CNOT1: variants seen among roughly 807,000 people sequenced by gnomAD.
CNOT1 encodes the protein CCR4-associated factor 1.
A neutral mutation model predicts 273.8 loss-of-function variants in CNOT1; 15 were observed. The ratio of observed to expected loss-of-function variants is 0.05; its 90% CI spans 0.04 to 0.08. The LOEUF (loss-of-function observed/expected upper bound fraction) is 0.08. CNOT1 is among the 10% of genes least tolerant of loss of function. CNOT1 has a pLI of 1.00. For missense variants in CNOT1, 1,644 were observed against 2,912.2 expected, an observed-to-expected ratio of 0.56 and a Z score of 10.02; for synonymous variants, 1,022 against 1,005.5, an observed-to-expected ratio of 1.02 and a Z score of -0.31.
intron 1 of CNOT1, among the ~76,000 whole-genome samples, chr16:58,602,609 T>C (rs1477986217): frequency 1.4e-5 from 2 of 140,732 alleles, no homozygotes; most frequent in African/African-American, 5.4e-5. Flanking sequence ...TGTAAATCTG[T>C]AATCCCAGCT....
At position 58,546,763 on chromosome 16, in the gene CNOT1, A is replaced by G; in HGVS notation, c.3751-14T>C. On this transcript the variant is annotated splice_polypyrimidine_tract_variant and intron_variant, in intron 27 of 48. Transcript: ENST00000317147. ...TGGCCTAAAAACCTAAAGAAAAGCTATTATGTTAAGCTGGCCCAAAATGTG... is the reference window on the plus strand; with the variant it reads ...TGGCCTAAAAACCTAAAGAAAAGCTGTTATGTTAAGCTGGCCCAAAATGTG... The G allele has an allele frequency of 6.2e-7, 1 of 1,613,808 alleles. No homozygotes were observed. Among genetic ancestry groups the G allele is most frequent in the Non-Finnish European group, 8.5e-7 (1 of 1,179,834 alleles).
Position 58,556,831 on chromosome 16 carries a change from C to T in CNOT1, c.2479+16G>A. ...ATCAGTCACACTTCACAATCACAGA[C>T]AACACTACCACTTACAAGGTTTCAT... On this transcript the variant is annotated intron_variant, in intron 19 of 48. Coordinates refer to ENST00000317147, the MANE Select transcript of CNOT1 (RefSeq NM_016284.5). 3.1e-6 allele frequency: 5 copies of T among 1,610,830 alleles called. No homozygotes were observed. The highest frequency in any genetic ancestry group is 4.2e-6 in the Non-Finnish European group (5 of 1,178,680).
At chr16:58,529,763 C>T (rs2039712573) in intron 43 of CNOT1, among the ~76,000 whole-genome samples, 2 of 145,232 alleles carry the variant, frequency 1.4e-5, no homozygotes. Flanking sequence ...ATCACTTGAA[C>T]CTGGGAGGTG....
intron 6 of CNOT1, 40 bp downstream of exon 6, chr16:58,587,161 A>G (rs1203260871): frequency 3.1e-6 from 5 of 1,597,998 alleles, no homozygotes; most frequent in South Asian, 1.1e-5. Context: ...CACGTATTTT[A>G]AAGTCTCACT....
At chr16:58,521,428 G>A in intron 47 of CNOT1, 111 bp from the exon 48 acceptor site, 3 of 1,100,474 alleles carry the variant, frequency 2.7e-6, no homozygotes, top group Non-Finnish European at 3.9e-6. Flanking sequence ...ACATGCAAAA[G>A]TTTTCACCTT....
At chr16:58,626,950 AG>A (rs1336375874) in intron 1 of CNOT1, among the ~76,000 whole-genome samples, 1 of 152,112 alleles carries the variant, frequency 6.6e-6, no homozygotes, top group Admixed American at 6.6e-5. Context: ...GCTAGGATAC[AG>A]GCTTGAGCCA....
chr16:58,535,267 G>A (rs929464226), intron 39 of CNOT1, among the ~76,000 whole-genome samples: 1 of 152,172 alleles, frequency 6.6e-6, no homozygotes, highest in Non-Finnish European at 1.5e-5. Context: ...AACTGAACTG[G>A]TTGGACTACG....
chr16:58,606,334 C>G (rs1054323559), intron 1 of CNOT1, among the ~76,000 whole-genome samples: 5 of 152,004 alleles, frequency 3.3e-5, no homozygotes, highest in African/African-American at 1.2e-4. Context: ...GTAAAAAGAT[C>G]GCCTGAGCCC....
At position 58,579,366 on chromosome 16, in the gene CNOT1, TAA is replaced by T; in HGVS notation, c.1344-429_1344-428del. 3.9e-5 allele frequency among the ~76,000 whole-genome samples: 6 copies of T among 152,314 alleles called. 1 individual carries two copies. Among genetic ancestry groups the T allele is most frequent in the Admixed American group, 3.9e-4 (6 of 15,296 alleles). ...CTGGATTCTCAATCATAGAAATTTT[TAA>T]AAGACATTTTTGAGCCAATTGGGGA... On this transcript the variant is annotated intron_variant, in intron 12 of 48. Transcript: ENST00000317147.
At chr16:58,584,573 C>A (rs2151978893) in intron 8 of CNOT1, among the ~76,000 whole-genome samples, 1 of 152,200 alleles carries the variant, frequency 6.6e-6, no homozygotes, top group South Asian at 2.1e-4. Context: ...ATCAGGTGAT[C>A]CGCCCACCTC....
rs770339505 is a variant in CNOT1, at chr16:58,556,992, T to C, written c.2334A>G (p.Val778=). Residue 778 remains valine, a splice_region_variant and synonymous_variant, in exon 19 of 49, where the codon GTA becomes GTG. Coordinates refer to ENST00000317147, the MANE Select transcript of CNOT1 (RefSeq NM_016284.5). ...TCAGGCTGCCTGTGCCAAGACCACC[T>C]ACTAGAGAGAACGAAGGCAGCCACA... ...GIGGLSSQLP[V]GGLGTGSLTG... is the part of the protein sequence containing the mutation. 1 of 1,613,218 alleles carries C rather than the reference T, an allele frequency of 6.2e-7. No homozygotes were observed. Among genetic ancestry groups the C allele is most frequent in the African/African-American group, 1.3e-5 (1 of 75,048 alleles).
chr16:58,551,802 C>T lies in CNOT1; in HGVS notation c.2988G>A (p.Gln996=). 4 of 1,614,144 alleles carry T rather than the reference C, an allele frequency of 2.5e-6. No homozygotes were observed. Among genetic ancestry groups the T allele is most frequent in the Non-Finnish European group, 3.4e-6 (4 of 1,180,028 alleles). Residue 996 remains glutamine, a synonymous_variant, in exon 23 of 49, where the codon CAG becomes CAA. Transcript: ENST00000317147. ...TTTTCACAGGAGGATCTCTAGACTG[C>T]TGTCCATACTCAATATACTAAAAGG... ...HHLQEYIEYG[Q]QSRDPPVKMQ...
intron 47 of CNOT1, 47 bp downstream of exon 47, chr16:58,523,318 TGAAAG>T (rs1179381561): frequency 5.4e-6 from 8 of 1,482,970 alleles, no homozygotes; most frequent in East Asian, 2.4e-5. Flanking sequence ...AAAAAAAAGA[TGAAAG>T]GGAGGAGATC....
At chr16:58,558,713 C>G in intron 17 of CNOT1, 39 bp from the exon 18 acceptor site, 1 of 1,585,676 alleles carries the variant, frequency 6.3e-7, no homozygotes, top group Non-Finnish European at 8.6e-7. Context: ...AAACATACTT[C>G]GAGGAAAGGC....
chr16:58,594,547 T>C (rs1314380703), intron 2 of CNOT1, among the ~76,000 whole-genome samples: 1 of 152,090 alleles, frequency 6.6e-6, no homozygotes, highest in Non-Finnish European at 1.5e-5. Flanking sequence ...CTCACGTCTG[T>C]AATCCCAGAA....
chr16:58,564,395 C>T (rs1029602564), intron 16 of CNOT1, among the ~76,000 whole-genome samples: 4 of 151,878 alleles, frequency 2.6e-5, no homozygotes, highest in Non-Finnish European at 5.9e-5. Flanking sequence ...GTTAGAAAAA[C>T]AGGGTACCAA....
chr16:58,575,254 C>A, intron 14 of CNOT1, 125 bp from the exon 15 acceptor site: 1 of 1,383,772 alleles, frequency 7.2e-7, no homozygotes. Flanking sequence ...CTTCCTTGGT[C>A]ACAATTTAAA....
intron 16 of CNOT1, 37 bp from the exon 17 acceptor site, chr16:58,560,399 C>T (rs931910939): frequency 1.2e-6 from 2 of 1,605,360 alleles, no homozygotes; most frequent in Admixed American, 1.7e-5. Flanking sequence ...ATATCAGTTC[C>T]TATTCTCTAG....
At chr16:58,544,406 T>C (rs2040191610) in intron 30 of CNOT1, among the ~76,000 whole-genome samples, 2 of 151,924 alleles carry the variant, frequency 1.3e-5, no homozygotes, top group South Asian at 4.2e-4. Context: ...CAGGTGTAAA[T>C]TATGCCCCAA....
Sources: gnomAD v4.1 joint callset for allele counts (sites outside exome capture counted in the v4.1 genomes callset) on GRCh38, gnomAD v4.1.1 for gene constraint, MANE v1.5 for transcripts, NCBI Gene and HGNC (gene_info 2026-07-23, HGNC 2026-07-21) for gene names.